The following SVEP1 variants were observed in gnomAD, a reference collection of about 807,000 sequenced individuals.
SVEP1 encodes the protein sushi, von Willebrand factor type A, EGF and pentraxin domain-containing protein 1.
A neutral mutation model predicts 367.3 loss-of-function variants in SVEP1; 164 were observed. The observed-to-expected ratio is 0.45, with a 90% confidence interval of 0.39 to 0.51. SVEP1 has a LOEUF of 0.51. Ranked by LOEUF, SVEP1 falls within the 20% of genes least tolerant of loss-of-function variation. The pLI is 0.00. For synonymous variants in SVEP1, 1,666 were observed against 1,611.6 expected (o/e 1.03, Z -0.81); for missense variants, 4,117 against 4,425.3 (o/e 0.93, Z 1.98).
Position 110,408,657 on chromosome 9 carries a change from T to A in SVEP1, c.6943A>T (p.Asn2315Tyr), listed in dbSNP as rs1827993927. Residue 2315 changes from asparagine to tyrosine, a missense_variant, in exon 38 of 48, where the codon AAT becomes TAT. Transcript: ENST00000374469. ...QKSGKWNKKSNPKCMPAKCPE... is the reference protein window; with the variant it reads ...QKSGKWNKKSYPKCMPAKCPE... ...CACTTGGCAGGCATGCACTTTGGAT[T>A]TGACTTCTTATTCCATTTGCCAGAT... 6.2e-7 allele frequency: 1 copy of A among 1,613,922 alleles called. No homozygotes were observed. The highest frequency in any genetic ancestry group is 1.3e-5 in the African/African-American group (1 of 74,924).
chr9:110,573,375 T>C (rs1203830730), intron 1 of SVEP1, among the ~76,000 whole-genome samples: 1 of 148,412 alleles, frequency 6.7e-6, no homozygotes, highest in African/African-American at 2.4e-5. Flanking sequence ...AGAAGATTAC[T>C]CTCCAGGTAA....
intron 36 of SVEP1, among the ~76,000 whole-genome samples, chr9:110,418,864 T>C (rs1486250439): frequency 2.4e-5 from 3 of 123,734 alleles, no homozygotes; most frequent in Non-Finnish European, 5.4e-5. Context: ...TCAGCCAAAC[T>C]AAGCTTCATA....
Position 110,432,028 on chromosome 9 carries a change from T to A in SVEP1, c.5240A>T (p.Asp1747Val), listed in dbSNP as rs200177602. Residue 1747 changes from aspartate (D) to valine (V), a missense_variant, in exon 32 of 48, where the codon GAT (aspartate) becomes GTT (valine). This residue lies in a region of SVEP1 where 2,174 missense variants were observed against 2,494.3 expected (regional missense o/e 0.87). Coordinates refer to ENST00000374469, the MANE Select transcript of SVEP1 (RefSeq NM_153366.4). ...ACAATCTGATCCAACTGCACACTCATCGACATCTAAAATGAAGACAGCTTA... is the reference window on the plus strand; with the variant it reads ...ACAATCTGATCCAACTGCACACTCAACGACATCTAAAATGAAGACAGCTTA... ...NGVSPSCLDV[D>V]ECAVGSDCSE... 8.8e-6 allele frequency: 14 copies of A among 1,598,914 alleles called. No individual in the cohort carries two copies. Among genetic ancestry groups the A allele is most frequent in the Non-Finnish European group, 8.5e-7 (1 of 1,174,568 alleles).
intron 5 of SVEP1, among the ~76,000 whole-genome samples, chr9:110,506,918 G>A (rs1829635226): frequency 6.6e-6 from 1 of 152,064 alleles, no homozygotes; most frequent in African/African-American, 2.4e-5. Flanking sequence ...AAGGAGTAGG[G>A]GTAGGGGAAA....
At chr9:110,515,287 T>C (rs527780647) in intron 3 of SVEP1, among the ~76,000 whole-genome samples, 1 of 146,790 alleles carries the variant, frequency 6.8e-6, no homozygotes, top group African/African-American at 2.5e-5. Flanking sequence ...AATGTGCATT[T>C]ATGTGGGGAT....
intron 36 of SVEP1, among the ~76,000 whole-genome samples, chr9:110,424,068 T>C (rs763221361): frequency 3.0e-4 from 45 of 152,220 alleles, no homozygotes; most frequent in Admixed American, 5.2e-4. Context: ...ACTGGTATGG[T>C]CACTCCTGGG....
chr9:110,372,241 C>G (rs899440174), intron 46 of SVEP1, among the ~76,000 whole-genome samples: 1 of 152,200 alleles, frequency 6.6e-6, no homozygotes, highest in African/African-American at 2.4e-5. Flanking sequence ...GTTAGTTTAC[C>G]CATTTCACTG....
rs566838150 is a variant in SVEP1, at chr9:110,401,887, T to C, written c.9667-878A>G. 2.0e-4 allele frequency among the ~76,000 whole-genome samples: 30 copies of C among 152,202 alleles called. 1 individual carries two copies. Among genetic ancestry groups the C allele is most frequent in the African/African-American group, 5.8e-4 (24 of 41,558 alleles). Reference sequence around the variant, plus strand: ...TCTGTTTTCTTTGTGGAAATATATATGAATTGGATAACAGTGTTAAACAGG... The same window carrying C: ...TCTGTTTTCTTTGTGGAAATATATACGAATTGGATAACAGTGTTAAACAGG... On this transcript the variant is annotated intron_variant, in intron 39 of 47. Coordinates refer to ENST00000374469, the MANE Select transcript of SVEP1 (RefSeq NM_153366.4).
intron 40 of SVEP1, among the ~76,000 whole-genome samples, chr9:110,394,111 A>G (rs1827717393): frequency 6.6e-6 from 1 of 152,126 alleles, no homozygotes; most frequent in Non-Finnish European, 1.5e-5. Flanking sequence ...ACCCCCCAGT[A>G]GGGGCGGACT....
At chr9:110,503,607 G>T (rs939433796) in intron 5 of SVEP1, among the ~76,000 whole-genome samples, 4 of 152,158 alleles carry the variant, frequency 2.6e-5, no homozygotes, top group Non-Finnish European at 5.9e-5. Flanking sequence ...TATTTTCCAG[G>T]ACAGAGTTTT....
rs200662601 is a variant in SVEP1, at chr9:110,411,509, C to T, written c.6202G>A (p.Val2068Ile). The stretch of plus-strand genomic sequence containing the variant: ...GGCATGTCTTGACCTTCTGGGGGTA[C>T]CCACTTGCCCTGGGCATTGCAGAGA... ...QLLCNAQGKW[V>I]PPEGQDMPRC... Residue 2068 changes from valine (V) to isoleucine (I), a missense_variant, in exon 37 of 48, where the codon GTA (valine) becomes ATA (isoleucine). Around this residue, in one of 4 missense-constraint regions of SVEP1, gnomAD observed 2,174 missense variants for 2,494.3 expected, o/e 0.87. Coordinates refer to ENST00000374469, the MANE Select transcript of SVEP1 (RefSeq NM_153366.4). 84 of 1,614,018 alleles carry T rather than the reference C, an allele frequency of 5.2e-5. No homozygotes were observed. The African/African-American group carries it at 1.0e-3, about 19-fold the overall frequency.
In SVEP1 at chr9:110,483,636, T is replaced by A; in HGVS notation, c.1988A>T (p.Glu663Val). ...CRSPPPVQVS[E>V]KVHAASWDEP... ...ATCCCAGCTTGCGGCATGTACCTTCTCCGAGACCTGGACGGGAGGTGGAGA... is the reference window on the plus strand; with the variant it reads ...ATCCCAGCTTGCGGCATGTACCTTCACCGAGACCTGGACGGGAGGTGGAGA... The change falls in exon 10 of 48, where the codon GAG becomes GTG. Residue 663 changes from glutamate (E) to valine (V), a missense_variant. This residue lies in a region of SVEP1 where 2,174 missense variants were observed against 2,494.3 expected (regional missense o/e 0.87). Coordinates refer to ENST00000374469, the MANE Select transcript of SVEP1 (RefSeq NM_153366.4). 2 of 1,612,628 alleles carry A rather than the reference T, an allele frequency of 1.2e-6. No homozygotes were observed. The highest frequency in any genetic ancestry group is 1.7e-6 in the Non-Finnish European group (2 of 1,179,234).
chr9:110,528,323 C>T (rs1405759266), intron 3 of SVEP1, among the ~76,000 whole-genome samples: 1 of 150,726 alleles, frequency 6.6e-6, no homozygotes, highest in Non-Finnish European at 1.5e-5. Context: ...TGTAGATACC[C>T]AGTAGTGGGA....
intron 40 of SVEP1, among the ~76,000 whole-genome samples, chr9:110,397,151 A>C (rs1827775529): frequency 6.6e-6 from 1 of 152,246 alleles, no homozygotes; most frequent in South Asian, 2.1e-4. Flanking sequence ...CACCATGATC[A>C]AGTGGGCTTC....
At chr9:110,414,444 C>A (rs1828087875) in intron 36 of SVEP1, among the ~76,000 whole-genome samples, 2 of 151,978 alleles carry the variant, frequency 1.3e-5, no homozygotes, top group Non-Finnish European at 2.9e-5. Flanking sequence ...GTACAGCCCC[C>A]AGTTAGGGCC....
intron 3 of SVEP1, among the ~76,000 whole-genome samples, chr9:110,520,030 AT>A (rs1283665654): frequency 6.6e-6 from 1 of 152,166 alleles, no homozygotes; most frequent in South Asian, 2.1e-4. Flanking sequence ...TTTATAAATT[AT>A]TTTTTAAAAT....
chr9:110,576,226 C>T (rs1226045506), intron 1 of SVEP1, among the ~76,000 whole-genome samples: 1 of 141,648 alleles, frequency 7.1e-6, no homozygotes, highest in Non-Finnish European at 1.5e-5. Flanking sequence ...AATAGGTAGT[C>T]TCACACACAC....
At chr9:110,570,717 G>A (rs1321513421) in intron 1 of SVEP1, among the ~76,000 whole-genome samples, 1 of 151,954 alleles carries the variant, frequency 6.6e-6, no homozygotes, top group Non-Finnish European at 1.5e-5. Flanking sequence ...CTGACCTCAG[G>A]TGATCTGCCT....
In SVEP1 at chr9:110,501,505, T is replaced by C. The variant is rs1480983161; in HGVS notation, c.1483+1533A>G. On this transcript the variant is annotated intron_variant, in intron 6 of 47. Transcript: ENST00000374469. ...GATTAGTAGATTCATTCTATTTTGT[T>C]GTGGGGGGGGCAGGCTTGTAGTCTA... Among the ~76,000 whole-genome samples the C allele has an allele frequency of 2.1e-5, 3 of 145,084 alleles. No homozygotes were observed. In the East Asian group the frequency reaches 6.0e-4, roughly 29 times the overall value.
Sources: gnomAD v4.1 joint callset for allele counts (sites outside exome capture counted in the v4.1 genomes callset) on GRCh38, gnomAD v4.1.1 for gene constraint, gnomAD v4.1.1 regional missense constraint, MANE v1.5 for transcripts, NCBI Gene and HGNC (gene_info 2026-07-23, HGNC 2026-07-21) for gene names.